The following NPRL3 variants were observed in gnomAD, a reference collection of about 807,000 sequenced individuals.
NPRL3 encodes the protein GATOR1 complex protein NPRL3.
NPRL3 carries 23 observed loss-of-function variants against 57.2 expected under a neutral mutation model. The ratio of observed to expected loss-of-function variants is 0.40; its 90% CI spans 0.29 to 0.57. The LOEUF is 0.57. Among genes scored for constraint, NPRL3 ranks in the 20% least tolerant of loss-of-function variants. The pLI is 0.42. For synonymous variants in NPRL3, 333 were observed against 321.1 expected, an observed-to-expected ratio of 1.04 and a Z score of -0.39; for missense variants, 691 against 767.1, an observed-to-expected ratio of 0.90 and a Z score of 1.17.
At chr16:126,423 AAATAATAAT>A (rs10592629) in intron 3 of NPRL3, 2 of 144,934 alleles carry the variant, frequency 1.4e-5, no homozygotes, top group Non-Finnish European at 1.5e-5. Flanking sequence ...CTACGTCTCA[AAATAATAAT>A]AATAATAATA....
intron 2 of NPRL3, among the ~76,000 whole-genome samples, chr16:133,823 G>A (rs956409543): frequency 1.1e-4 from 17 of 152,300 alleles, no homozygotes; most frequent in Admixed American, 9.8e-4. Flanking sequence ...AGAAACATGT[G>A]ATTCTTTATT....
At chr16:135,159 C>G (rs961353565) in intron 2 of NPRL3, among the ~76,000 whole-genome samples, 5 of 152,080 alleles carry the variant, frequency 3.3e-5, no homozygotes, top group African/African-American at 1.2e-4. Context: ...ATGTTGGGAC[C>G]AGATAGCCAT....
intron 7 of NPRL3, among the ~76,000 whole-genome samples, chr16:104,398 G>A (rs1466188650): frequency 6.6e-6 from 1 of 152,168 alleles, no homozygotes; most frequent in Non-Finnish European, 1.5e-5. Flanking sequence ...ACAGGGGCTT[G>A]GAACACACCT....
At chr16:116,144 C>A (rs1002968922) in intron 5 of NPRL3, among the ~76,000 whole-genome samples, 30 of 152,104 alleles carry the variant, frequency 2.0e-4, no homozygotes, top group African/African-American at 7.2e-4. Context: ...ACACTATTCC[C>A]CGAGGTGAGG....
At chr16:134,684 A>AATTGTT (rs1900970386) in intron 2 of NPRL3, among the ~76,000 whole-genome samples, 1 of 118,680 alleles carries the variant, frequency 8.4e-6, no homozygotes, top group Non-Finnish European at 1.7e-5. Flanking sequence ...AAGTCACAGT[A>AATTGTT]ATTATTATTA....
intron 7 of NPRL3, among the ~76,000 whole-genome samples, chr16:103,023 A>G (rs1221925256): frequency 6.6e-6 from 1 of 152,194 alleles, no homozygotes; most frequent in African/African-American, 2.4e-5. Context: ...TGAGTAAGCA[A>G]TAGTTAGGAT....
chr16:113,620 C>A (rs1328566540), intron 5 of NPRL3, among the ~76,000 whole-genome samples: 2 of 152,184 alleles, frequency 1.3e-5, no homozygotes, highest in African/African-American at 2.4e-5. Flanking sequence ...CTGGGCCAAC[C>A]ATGACTCAGT....
At chr16:121,762 T>C (rs144195403) in intron 3 of NPRL3, among the ~76,000 whole-genome samples, 65 of 152,156 alleles carry the variant, frequency 4.3e-4, no homozygotes, top group African/African-American at 1.4e-3. Context: ...ATTACAAACA[T>C]ATAATGACAA....
At chr16:108,923 G>A (rs1899653520) in intron 7 of NPRL3, among the ~76,000 whole-genome samples, 1 of 151,924 alleles carries the variant, frequency 6.6e-6, no homozygotes, top group African/African-American at 2.4e-5. Flanking sequence ...ACCCGCCTCA[G>A]CCTGGCAAAG....
At chr16:93,056 T>C in intron 10 of NPRL3, 163 bp downstream of exon 10, 1 of 637,544 alleles carries the variant, frequency 1.6e-6, no homozygotes, top group Non-Finnish European at 2.8e-6. Context: ...AATTGGGACC[T>C]GGGTATGCTA....
chr16:98,477 G>A (rs1377872070), intron 8 of NPRL3, among the ~76,000 whole-genome samples, 176 bp from the exon 9 acceptor site: 1 of 150,510 alleles, frequency 6.6e-6, no homozygotes, highest in East Asian at 2.0e-4. Flanking sequence ...ACGAAGTGCA[G>A]GGAACCCTGC....
intron 9 of NPRL3, among the ~76,000 whole-genome samples, chr16:94,834 C>T (rs1027708903): frequency 1.3e-5 from 2 of 152,192 alleles, no homozygotes; most frequent in African/African-American, 4.8e-5. Flanking sequence ...CACTTTCCCC[C>T]AGCTCTGCTC....
chr16:113,354 C>T (rs929748148), intron 5 of NPRL3, among the ~76,000 whole-genome samples: 1 of 152,236 alleles, frequency 6.6e-6, no homozygotes, highest in African/African-American at 2.4e-5. Context: ...GGATGAGAAG[C>T]TCTTCCCAGC....
At chr16:124,123 G>A (rs1397421558) in intron 3 of NPRL3, among the ~76,000 whole-genome samples, 2 of 150,482 alleles carry the variant, frequency 1.3e-5, no homozygotes, top group African/African-American at 4.9e-5. Context: ...GTGAGAAACA[G>A]GGTCACACAC....
At chr16:107,380 C>T (rs1310747202) in intron 7 of NPRL3, among the ~76,000 whole-genome samples, 1 of 150,900 alleles carries the variant, frequency 6.6e-6, no homozygotes, top group East Asian at 1.9e-4. Flanking sequence ...GCACGGTGCT[C>T]ACGCCTGTCA....
intron 7 of NPRL3, among the ~76,000 whole-genome samples, chr16:109,564 TG>T: frequency 1.3e-5 from 2 of 152,318 alleles, no homozygotes; most frequent in African/African-American, 4.8e-5. Flanking sequence ...CGGACTCTCA[TG>T]TATAACTTCG....
Position 113,681 on chromosome 16 carries a change from G to C in NPRL3, c.394-906C>G, listed in dbSNP as rs116005316. On this transcript the variant is annotated intron_variant, in intron 5 of 13. Transcript: ENST00000611875. ...GAGTCATCCTGTGGGGGTGGAGGTG[G>C]GACAAGGGAAAGGGGTGAATGGTAC... 3.0e-3 allele frequency among the ~76,000 whole-genome samples: 451 copies of C among 152,306 alleles called. 2 individuals carry two copies. Among genetic ancestry groups the C allele is most frequent in the African/African-American group, 0.01 (423 of 41,552 alleles).
At chr16:129,406 T>C (rs372577779) in intron 3 of NPRL3, among the ~76,000 whole-genome samples, 1 of 152,072 alleles carries the variant, frequency 6.6e-6, no homozygotes, top group Non-Finnish European at 1.5e-5. Context: ...GACGGTCCAA[T>C]GGGGTGTCCA....
chr16:106,297 G>C (rs2141937678), intron 7 of NPRL3, among the ~76,000 whole-genome samples: 1 of 151,438 alleles, frequency 6.6e-6, no homozygotes, highest in Non-Finnish European at 1.5e-5. Flanking sequence ...GACGAAGCAA[G>C]ACTCCGTCTC....
Sources: allele counts gnomAD v4.1 joint callset (sites outside exome capture counted in the v4.1 genomes callset), GRCh38; gene constraint gnomAD v4.1.1; transcripts MANE v1.5; gene names NCBI Gene and HGNC (gene_info 2026-07-23, HGNC 2026-07-21).